Variants in LDLRAD4 observed in about 807,000 individuals in gnomAD.
The protein encoded by LDLRAD4 is low density lipoprotein receptor class A domain containing 4.
LDLRAD4 carries 5 observed loss-of-function variants against 17.0 expected under a neutral mutation model. That is an observed-to-expected ratio of 0.29 (90% CI 0.15 to 0.62). The LOEUF is 0.62. Ranked by LOEUF, LDLRAD4 falls within the 20% of genes least tolerant of loss-of-function variation. The pLI is 0.84. For synonymous variants in LDLRAD4, 168 were observed against 171.8 expected (o/e 0.98, Z 0.17); for missense variants, 340 against 424.7 (o/e 0.80, Z 1.75).
chr18:13,360,721 G>A (rs574826408), intron 1 of LDLRAD4, among the ~76,000 whole-genome samples: 2 of 152,212 alleles, frequency 1.3e-5, no homozygotes, highest in Non-Finnish European at 2.9e-5. Context: ...AGGCCACTGA[G>A]ATGCAGGGCA....
At chr18:13,436,621 T>C (rs993901866) in intron 2 of LDLRAD4, among the ~76,000 whole-genome samples, 1 of 152,240 alleles carries the variant, frequency 6.6e-6, no homozygotes, top group Admixed American at 6.5e-5. Flanking sequence ...GAAAGGAAGA[T>C]AAATTTTTCC....
chr18:13,343,120 A>G (rs908598200), intron 1 of LDLRAD4, among the ~76,000 whole-genome samples: 7 of 152,084 alleles, frequency 4.6e-5, no homozygotes, highest in East Asian at 1.9e-4. Flanking sequence ...TTTAGGGTAC[A>G]TGTGCACAAC....
intron 3 of LDLRAD4, among the ~76,000 whole-genome samples, chr18:13,582,798 G>A (rs578068441): frequency 3.9e-5 from 6 of 152,266 alleles, no homozygotes; most frequent in South Asian, 4.1e-4. Context: ...CTGCAGCCTC[G>A]ACCTCCCAGG....
In LDLRAD4 at chr18:13,240,846, A is replaced by G. The variant is rs576583362; in HGVS notation, c.-467+21858A>G. The G allele has an allele frequency of 8.5e-5, 13 of 152,360 alleles. 1 individual carries two copies. The highest frequency in any genetic ancestry group is 2.9e-4 in the African/African-American group (12 of 41,578). The allele number at this position is 152,360 out of a possible 1,614,324, so 9.4% of individuals were successfully genotyped here. On this transcript the variant is annotated intron_variant, in intron 1 of 5. Coordinates refer to the LDLRAD4 transcript ENST00000399848. ...ATGAGACGGCAGCTTTGGAGGGATG[A>G]CAACAGATTGTGGTCTAATCTCACG...
intron 3 of LDLRAD4, among the ~76,000 whole-genome samples, chr18:13,481,624 G>A (rs1344722794): frequency 6.6e-6 from 1 of 152,118 alleles, no homozygotes; most frequent in African/African-American, 2.4e-5. Flanking sequence ...CTCTTCTGGG[G>A]CAGCAGTGTT....
At chr18:13,578,825 G>GTTTTTTTTTTTTTTTTTTTTTT (rs1286958694) in intron 3 of LDLRAD4, among the ~76,000 whole-genome samples, 1 of 49,884 alleles carries the variant, frequency 2.0e-5, no homozygotes, top group Non-Finnish European at 4.0e-5. Context: ...AGTTGTCCGG[G>GTTTTTTTTTTTTTTTTTTTTTT]TCTTTTTTTT....
intron 3 of LDLRAD4, among the ~76,000 whole-genome samples, chr18:13,570,505 A>G (rs1463740653): frequency 6.6e-6 from 1 of 152,260 alleles, no homozygotes; most frequent in Non-Finnish European, 1.5e-5. Flanking sequence ...GAAATCTGGC[A>G]GCTGGAAGCA....
chr18:13,232,557 C>T (rs112037219), intron 1 of LDLRAD4, among the ~76,000 whole-genome samples: 19 of 151,954 alleles, frequency 1.3e-4, no homozygotes, highest in African/African-American at 2.9e-4. Context: ...TGGCCTTGTC[C>T]GGGGGCTGCT....
chr18:13,326,594 G>T (rs2081549410), intron 1 of LDLRAD4, among the ~76,000 whole-genome samples: 2 of 152,172 alleles, frequency 1.3e-5, no homozygotes, highest in African/African-American at 4.8e-5. Flanking sequence ...TGCCAGCAAA[G>T]AATTTACTTA....
At chr18:13,587,267 T>C (rs778278201) in intron 3 of LDLRAD4, among the ~76,000 whole-genome samples, 14 of 152,190 alleles carry the variant, frequency 9.2e-5, no homozygotes, top group African/African-American at 1.4e-4. Context: ...AACCACACTT[T>C]GAGAACCCCT....
intron 1 of LDLRAD4, among the ~76,000 whole-genome samples, chr18:13,336,726 T>A (rs1568021097): frequency 1.3e-5 from 2 of 152,162 alleles, no homozygotes; most frequent in African/African-American, 4.8e-5. Context: ...TTTTCTTTTT[T>A]TCTCACTATT....
Position 13,645,111 on chromosome 18 carries a change from C to T in LDLRAD4, c.391-16C>T. 6.3e-7 allele frequency: 1 copy of T among 1,592,348 alleles called. No individual in the cohort carries two copies. The highest frequency in any genetic ancestry group is 8.6e-7 in the Non-Finnish European group (1 of 1,168,304). On this transcript the variant is annotated splice_polypyrimidine_tract_variant and intron_variant, in intron 5 of 5. Coordinates refer to ENST00000359446, the Ensembl canonical transcript of LDLRAD4. The surrounding 1 kb of genome is among the most constrained non-coding windows in gnomAD (Gnocchi z 5.7). Reference sequence around the variant, plus strand: ...GCGCTCAAACTGTCTTCAAGCCTCTCCTCTTTTCCTTCCAGATCATGCATG... The same window carrying T: ...GCGCTCAAACTGTCTTCAAGCCTCTTCTCTTTTCCTTCCAGATCATGCATG...
intron 3 of LDLRAD4, among the ~76,000 whole-genome samples, chr18:13,511,367 C>G (rs778082387): frequency 5.3e-4 from 80 of 152,170 alleles, no homozygotes; most frequent in African/African-American, 1.8e-3. Context: ...CAAAAATTAG[C>G]CGGGCATGGT....
intron 3 of LDLRAD4, among the ~76,000 whole-genome samples, chr18:13,474,625 T>C (rs1468945934): frequency 6.6e-6 from 1 of 152,084 alleles, no homozygotes; most frequent in Admixed American, 6.6e-5. Flanking sequence ...GGAACTGGGA[T>C]GGAAGTGAAG....
chr18:13,406,129 G>A (rs937441867), intron 2 of LDLRAD4, among the ~76,000 whole-genome samples: 1 of 152,192 alleles, frequency 6.6e-6, no homozygotes, highest in Non-Finnish European at 1.5e-5. Flanking sequence ...CAGTGCTAGG[G>A]GACCCACGCC....
chr18:13,305,171 ATTTTTAT>A (rs971374602), intron 1 of LDLRAD4, among the ~76,000 whole-genome samples: 1 of 152,212 alleles, frequency 6.6e-6, no homozygotes, highest in African/African-American at 2.4e-5. Flanking sequence ...CTATTTTGTC[ATTTTTAT>A]TACTGTAAAA....
At position 13,532,083 on chromosome 18, in the gene LDLRAD4, G is replaced by A. The variant is rs574640663; in HGVS notation, c.182-89034G>A. Among the ~76,000 whole-genome samples the A allele has an allele frequency of 2.6e-5, 4 of 152,304 alleles. No homozygotes were observed. The South Asian group carries it at 8.3e-4, about 32-fold the overall frequency. ...GTAGGAACCCTGGTCCATGCAGGGTGATGGGCAGTGAGAGATGGGAGCAGG... is the reference window on the plus strand; with the variant it reads ...GTAGGAACCCTGGTCCATGCAGGGTAATGGGCAGTGAGAGATGGGAGCAGG... On this transcript the variant is annotated intron_variant, in intron 3 of 5. Transcript: ENST00000359446.
At chr18:13,526,061 A>G (rs2094027242) in intron 3 of LDLRAD4, 1 of 152,076 alleles carries the variant, frequency 6.6e-6, no homozygotes, top group South Asian at 2.1e-4. Flanking sequence ...ATTATATTTT[A>G]TTTTGGGGGG....
rs202132523 is a variant in LDLRAD4 at position 13,634,773 on chromosome 18, CAA to C, written c.337-8572_337-8571del. On this transcript the variant is annotated intron_variant, in intron 4 of 5. Transcript: ENST00000359446. ...GGACCCTAAATATCCACAATAATCT[CAA>C]AAAAAAAAAAAAAGATTTGAAAAGT... Among the ~76,000 whole-genome samples, 399 of 122,046 alleles carry C rather than the reference CAA, an allele frequency of 3.3e-3. 3 individuals carry two copies. The highest frequency in any genetic ancestry group is 0.011 in the African/African-American group (373 of 33,234). The allele number at this position is 122,046 out of a possible 152,430, so 80.1% of individuals were successfully genotyped here. A position where few individuals can be genotyped will look rare whatever the true frequency, so the allele number is the denominator to read the frequency against.
Sources: gnomAD v4.1 joint callset for allele counts (sites outside exome capture counted in the v4.1 genomes callset) on GRCh38, gnomAD v4.1.1 for gene constraint, Gnocchi (gnomAD v3.1) non-coding constraint, MANE v1.5 for transcripts, NCBI Gene and HGNC (gene_info 2026-07-23, HGNC 2026-07-21) for gene names.